Variants in TADA2A observed in about 807,000 individuals in gnomAD.
TADA2A encodes the protein transcriptional adaptor 2A, also known as transcriptional adapter 2-alpha.
TADA2A carries 38 observed loss-of-function variants against 67.4 expected under a neutral mutation model. That is an observed-to-expected ratio of 0.56 (90% CI 0.44 to 0.74). The LOEUF is 0.74. TADA2A is among the 30% of genes least tolerant of loss of function. The pLI is 0.00. For synonymous variants in TADA2A, 192 were observed against 181.6 expected, an observed-to-expected ratio of 1.06 and a Z score of -0.46; for missense variants, 454 against 547.0, an observed-to-expected ratio of 0.83 and a Z score of 1.70.
intron 8 of TADA2A, among the ~76,000 whole-genome samples, chr17:37,447,637 T>G (rs1476126171): frequency 6.6e-6 from 1 of 152,106 alleles, no homozygotes; most frequent in East Asian, 1.9e-4. Flanking sequence ...TGATAACAGT[T>G]TAAAGAAGCT....
intron 7 of TADA2A, among the ~76,000 whole-genome samples, chr17:37,444,292 T>G (rs545372014): frequency 6.6e-6 from 1 of 151,958 alleles, no homozygotes; most frequent in East Asian, 1.9e-4. Context: ...ATTGACTTTA[T>G]TTATTTATTT....
chr17:37,440,166 C>CT (rs1233575596), intron 5 of TADA2A, among the ~76,000 whole-genome samples: 1 of 152,026 alleles, frequency 6.6e-6, no homozygotes, highest in Non-Finnish European at 1.5e-5. Context: ...AGGCTGGTCT[C>CT]TAACTCCCAA....
At chr17:37,461,826 T>G in intron 9 of TADA2A, 1 of 345,724 alleles carries the variant, frequency 2.9e-6, no homozygotes, top group Non-Finnish European at 5.3e-6. Flanking sequence ...GGTTATTGAT[T>G]GATTCATTCG....
chr17:37,424,041 C>T (rs540577559), intron 3 of TADA2A, among the ~76,000 whole-genome samples: 1 of 152,136 alleles, frequency 6.6e-6, no homozygotes, highest in Non-Finnish European at 1.5e-5. Flanking sequence ...AGCCACCGCA[C>T]CCGGCCCCAA....
At chr17:37,475,800 C>T (rs1001705012) in intron 15 of TADA2A, among the ~76,000 whole-genome samples, 1 of 152,174 alleles carries the variant, frequency 6.6e-6, no homozygotes, top group Non-Finnish European at 1.5e-5. Flanking sequence ...TTTCCAGTTG[C>T]AATCATCAGA....
In TADA2A at chr17:37,421,814, T is replaced by TA. The variant is rs1302931658; in HGVS notation, c.26-1694dup. Reference sequence around the variant, plus strand: ...CTCAAAAAAAAAAGGAGTTTTCTCTTATTTGCCCCAACTTTTTATAGAAAA... The same window carrying TA: ...CTCAAAAAAAAAAGGAGTTTTCTCTTAATTTGCCCCAACTTTTTATAGAAAA... On this transcript the variant is annotated intron_variant, in intron 2 of 15. Transcript: ENST00000615182. Among the ~76,000 whole-genome samples the TA allele has an allele frequency of 4.7e-5, 2 of 42,340 alleles. 1 individual carries two copies. The highest frequency in any genetic ancestry group is 7.8e-5 in the Non-Finnish European group (2 of 25,698). The allele number at this position is 42,340 out of a possible 152,430, so 27.8% of individuals were successfully genotyped here. A position where few individuals can be genotyped will look rare whatever the true frequency, so the allele number is the denominator to read the frequency against.
intron 8 of TADA2A, chr17:37,450,759 G>A (rs1207692626): frequency 6.6e-6 from 1 of 152,318 alleles, no homozygotes; most frequent in Non-Finnish European, 1.5e-5. Context: ...TCTCATTCTT[G>A]TAGATTCTGC....
At chr17:37,413,084 G>T (rs1018527808) in intron 2 of TADA2A, among the ~76,000 whole-genome samples, 1 of 151,946 alleles carries the variant, frequency 6.6e-6, no homozygotes, top group South Asian at 2.1e-4. Flanking sequence ...CTGCCACCAC[G>T]CCCGGCTAAT....
chr17:37,478,656 TG>T lies in TADA2A; in HGVS notation c.*1675del, dbSNP rs2053934705. 1 of 152,204 alleles carries T rather than the reference TG, an allele frequency of 6.6e-6. No individual in the cohort carries two copies. The highest frequency in any genetic ancestry group is 2.4e-5 in the African/African-American group (1 of 41,446). The allele number at this position is 152,204 out of a possible 1,614,324, so 9.4% of individuals were successfully genotyped here. A position where few individuals can be genotyped will look rare whatever the true frequency, so the allele number is the denominator to read the frequency against. On this transcript the variant is annotated 3_prime_UTR_variant, in exon 16 of 16. Transcript: ENST00000615182. ...ATCTTGTTTCTGTTAGAAACAAAGT[TG>T]TATATAGAAATAACTTCGTCAGAAT...
chr17:37,442,711 C>A, intron 7 of TADA2A, 59 bp downstream of exon 7: 1 of 1,498,062 alleles, frequency 6.7e-7, no homozygotes, highest in Non-Finnish European at 9.2e-7. Flanking sequence ...TTCTCATGAG[C>A]CTTCTGTCTC....
intron 5 of TADA2A, 98 bp from the exon 6 acceptor site, chr17:37,440,407 A>T (rs2052877957): frequency 7.4e-7 from 1 of 1,355,268 alleles, no homozygotes; most frequent in Admixed American, 2.3e-5. Flanking sequence ...AGAGTATATT[A>T]TATGGATGTG....
rs1377060138 is a variant in TADA2A, at chr17:37,471,091, T to C, written c.1029-3T>C. The C allele has an allele frequency of 1.2e-6, 2 of 1,614,204 alleles. No homozygotes were observed. Among genetic ancestry groups the C allele is most frequent in the Admixed American group, 1.7e-5 (1 of 60,022 alleles). The stretch of plus-strand genomic sequence containing the variant: ...AAGTTTAAATTCCTCTTCTTCGTTG[T>C]AGTGATTCCGGCCTGAGTCCTTCCA... On this transcript the variant is annotated splice_polypyrimidine_tract_variant and splice_region_variant and intron_variant, in intron 13 of 15. Coordinates refer to ENST00000615182, the MANE Select transcript of TADA2A (RefSeq NM_001166105.3).
intron 12 of TADA2A, among the ~76,000 whole-genome samples, chr17:37,469,858 G>A (rs1396979697): frequency 3.3e-5 from 5 of 152,136 alleles, no homozygotes; most frequent in African/African-American, 7.2e-5. Context: ...AAAACACCAC[G>A]CAGCTCTTCT....
intron 4 of TADA2A, among the ~76,000 whole-genome samples, chr17:37,435,096 A>G (rs1438805382): frequency 6.6e-6 from 1 of 152,154 alleles, no homozygotes; most frequent in African/African-American, 2.4e-5. Flanking sequence ...AAAATACAAA[A>G]TTAGCCAGGT....
At chr17:37,440,413 A>T (rs1279065592) in intron 5 of TADA2A, 92 bp from the exon 6 acceptor site, 2 of 1,405,868 alleles carry the variant, frequency 1.4e-6, no homozygotes, top group Non-Finnish European at 9.7e-7. Flanking sequence ...TATTATATGG[A>T]TGTGACTTAA....
At position 37,436,040 on chromosome 17, in the gene TADA2A, C is replaced by A. The variant is rs118105611; in HGVS notation, c.193-1698C>A. Among the ~76,000 whole-genome samples the A allele has an allele frequency of 2.9e-3, 436 of 152,150 alleles. 1 individual carries two copies. Among genetic ancestry groups the A allele is most frequent in the East Asian group, 0.026 (133 of 5,180 alleles). On this transcript the variant is annotated intron_variant, in intron 4 of 15. Transcript: ENST00000615182. Reference sequence around the variant, plus strand: ...CAACTACGAGGTTTTTACATAACCTCACAGATCTTACAGCTATATCTTTTT... The same window carrying A: ...CAACTACGAGGTTTTTACATAACCTAACAGATCTTACAGCTATATCTTTTT...
At chr17:37,473,664 C>T (rs564048068) in intron 14 of TADA2A, among the ~76,000 whole-genome samples, 1 of 152,256 alleles carries the variant, frequency 6.6e-6, no homozygotes, top group South Asian at 2.1e-4. Flanking sequence ...CAAAACAAAA[C>T]CAAAAAAGTT....
At chr17:37,458,776 A>G (rs918189226) in intron 9 of TADA2A, among the ~76,000 whole-genome samples, 189 bp downstream of exon 9, 7 of 151,918 alleles carry the variant, frequency 4.6e-5, no homozygotes, top group Non-Finnish European at 7.4e-5. Context: ...TCTCAGGCTC[A>G]ATTGATTCTC....
At chr17:37,458,310 A>G (rs921115470) in intron 8 of TADA2A, among the ~76,000 whole-genome samples, 1 of 152,236 alleles carries the variant, frequency 6.6e-6, no homozygotes, top group Non-Finnish European at 1.5e-5. Context: ...GTAATGCCAT[A>G]AGATATATAA....
Sources: allele counts gnomAD v4.1 joint callset (sites outside exome capture counted in the v4.1 genomes callset), GRCh38; gene constraint gnomAD v4.1.1; transcripts MANE v1.5; gene names NCBI Gene and HGNC (gene_info 2026-07-23, HGNC 2026-07-21).